Variants in TAF4B observed in about 807,000 individuals in gnomAD.
TAF4B encodes the protein transcription initiation factor TFIID subunit 4B.
A neutral mutation model predicts 86.4 loss-of-function variants in TAF4B; 38 were observed. The ratio of observed to expected loss-of-function variants is 0.44; its 90% CI spans 0.34 to 0.58. The LOEUF (loss-of-function observed/expected upper bound fraction) is 0.58, where lower values mean the gene tolerates loss of function less well. Among genes scored for constraint, TAF4B ranks in the 20% least tolerant of loss-of-function variants. The pLI, the probability that TAF4B is intolerant of heterozygous loss-of-function variation, is 0.02. For missense variants in TAF4B, 988 were observed against 1,027.6 expected, an observed-to-expected ratio of 0.96 and a Z score of 0.53; for synonymous variants, 388 against 391.2, an observed-to-expected ratio of 0.99 and a Z score of 0.10.
At chr18:26,353,464 C>T (rs1001032834) in intron 13 of TAF4B, among the ~76,000 whole-genome samples, 2 of 152,182 alleles carry the variant, frequency 1.3e-5, no homozygotes, top group Non-Finnish European at 2.9e-5. Context: ...GGCATGATGG[C>T]TCATGCCTGT....
At chr18:26,240,617 CTA>C (rs1415297200) in intron 1 of TAF4B, among the ~76,000 whole-genome samples, 1 of 152,170 alleles carries the variant, frequency 6.6e-6, no homozygotes, top group African/African-American at 2.4e-5. Context: ...ACTTCCAACA[CTA>C]TGTTGAATAG....
chr18:26,238,190 C>T (rs763672298), intron 1 of TAF4B, among the ~76,000 whole-genome samples: 1 of 152,092 alleles, frequency 6.6e-6, no homozygotes, highest in Non-Finnish European at 1.5e-5. Context: ...GACACATTTT[C>T]GAAAACCTGT....
intron 1 of TAF4B, among the ~76,000 whole-genome samples, chr18:26,228,599 T>G (rs777907198): frequency 2.6e-4 from 40 of 151,234 alleles, no homozygotes; most frequent in Non-Finnish European, 4.3e-4. Flanking sequence ...TCCTGTCTAG[T>G]CACTGAAGTT....
intron 5 of TAF4B, among the ~76,000 whole-genome samples, chr18:26,277,093 T>A (rs1342508077): frequency 2.0e-5 from 3 of 151,736 alleles, no homozygotes; most frequent in African/African-American, 7.2e-5. Flanking sequence ...TGAAAAAATT[T>A]TTTTTTGAGA....
At chr18:26,319,795 A>T (rs1308750804) in intron 10 of TAF4B, among the ~76,000 whole-genome samples, 1 of 152,038 alleles carries the variant, frequency 6.6e-6, no homozygotes, top group Non-Finnish European at 1.5e-5. Context: ...TCACCGTGTT[A>T]GTCAGGCTGG....
intron 3 of TAF4B, among the ~76,000 whole-genome samples, 162 bp downstream of exon 3, chr18:26,267,785 G>A (rs1185607884): frequency 1.3e-5 from 2 of 152,330 alleles, no homozygotes; most frequent in Non-Finnish European, 2.9e-5. Context: ...GGAGGTATGG[G>A]AAACAAGATA....
In TAF4B at chr18:26,263,171, C is replaced by G. The variant is rs185497995; in HGVS notation, c.344-1999C>G. On this transcript the variant is annotated intron_variant, in intron 1 of 14. Coordinates refer to ENST00000269142, the MANE Select transcript of TAF4B (RefSeq NM_005640.3). ...GTCTCACTTTGTTGCTGAGGGTAGT[C>G]TCAAACCCCAGGTCTCAAGAGATCC... is the stretch of plus-strand genomic sequence containing the variant. 2.4e-3 allele frequency among the ~76,000 whole-genome samples: 363 copies of G among 152,192 alleles called. 3 individuals carry two copies. Among genetic ancestry groups the G allele is most frequent in the Non-Finnish European group, 3.9e-3 (264 of 68,006 alleles).
intron 14 of TAF4B, among the ~76,000 whole-genome samples, chr18:26,371,821 GC>G (rs1381487618): frequency 6.6e-6 from 1 of 152,086 alleles, no homozygotes; most frequent in Non-Finnish European, 1.5e-5. Context: ...TGAAGGAAAA[GC>G]CAGGTCCTCT....
intron 13 of TAF4B, among the ~76,000 whole-genome samples, chr18:26,356,952 A>G (rs1407768725): frequency 1.3e-5 from 2 of 152,184 alleles, no homozygotes; most frequent in Non-Finnish European, 2.9e-5. Context: ...GGCATTCTTG[A>G]TTAAGTATGA....
chr18:26,241,297 C>T (rs2144463078), intron 1 of TAF4B, among the ~76,000 whole-genome samples: 1 of 152,258 alleles, frequency 6.6e-6, no homozygotes, highest in Non-Finnish European at 1.5e-5. Context: ...TCAACTTCTT[C>T]CTGGTTTAGT....
rs1193029161 is a variant in TAF4B at position 26,315,130 on chromosome 18, CTCTCTCTCTCTCTCTG to C, written c.1833-83_1833-68del. The C allele has an allele frequency of 8.3e-4, 272 of 327,732 alleles. 2 individuals carry two copies. Among genetic ancestry groups the C allele is most frequent in the East Asian group, 3.5e-3 (66 of 18,662 alleles). 20.3% of individuals were successfully genotyped at this position (327,732 alleles called of 1,614,324 possible). A position where few individuals can be genotyped will look rare whatever the true frequency, so the allele number is the denominator to read the frequency against. ...TCTCTCTCTCTCTCTCTCTCTCTCT[CTCTCTCTCTCTCTCTG>C]TCTCTCTCTCTCTCTCACACACACA... On this transcript the variant is annotated intron_variant, in intron 9 of 14. Transcript: ENST00000269142.
intron 1 of TAF4B, among the ~76,000 whole-genome samples, chr18:26,236,851 G>A (rs2055755569): frequency 1.3e-5 from 2 of 152,128 alleles, no homozygotes; most frequent in Admixed American, 6.6e-5. Context: ...CACTTTTAGA[G>A]CTTTCTCCTG....
intron 1 of TAF4B, among the ~76,000 whole-genome samples, chr18:26,232,113 T>G (rs1246786449): frequency 6.6e-6 from 1 of 152,176 alleles, no homozygotes; most frequent in Non-Finnish European, 1.5e-5. Flanking sequence ...ATTGGTGTGT[T>G]TTTACAGAGT....
intron 6 of TAF4B, among the ~76,000 whole-genome samples, chr18:26,282,415 A>G (rs1006640478): frequency 6.6e-6 from 1 of 152,260 alleles, no homozygotes. Context: ...TGGTTTCCAA[A>G]TGCATATAAA....
At position 26,267,617 on chromosome 18, in the gene TAF4B, A is replaced by G. The variant is rs1401309739; in HGVS notation, c.591A>G (p.Ser197=). The G allele has an allele frequency of 6.2e-6, 10 of 1,610,740 alleles. No individual in the cohort carries two copies. The highest frequency in any genetic ancestry group is 5.5e-5 in the South Asian group (5 of 90,918). Residue 197 remains serine, a synonymous_variant, in exon 3 of 15, where the codon TCA becomes TCG. Coordinates refer to ENST00000269142, the MANE Select transcript of TAF4B (RefSeq NM_005640.3). ...TAACCACTGTTCCGAAGCCTTCCTC[A>G]GTACAAGTAAGTTGTGCTGGCCATT... ...TVVTTVPKPS[S]VQSVAVPTSV...
intron 10 of TAF4B, among the ~76,000 whole-genome samples, chr18:26,315,679 T>C (rs1229072646): frequency 6.6e-6 from 1 of 152,198 alleles, no homozygotes; most frequent in Non-Finnish European, 1.5e-5. Flanking sequence ...TTTTTTTTTC[T>C]GTCCTGTTCC....
rs567973225 is a variant in TAF4B at position 26,341,626 on chromosome 18, C to T, written c.2316+6395C>T. The stretch of plus-strand genomic sequence containing the variant: ...TTGACCAGCAAGGCACCACAGTTTA[C>T]GTATCAAATTCCAGGAATCTCAGAT... On this transcript the variant is annotated intron_variant, in intron 13 of 14. Transcript: ENST00000269142. 5.3e-5 allele frequency among the ~76,000 whole-genome samples: 8 copies of T among 152,104 alleles called. No individual in the cohort carries two copies. In the East Asian group the frequency reaches 1.4e-3, roughly 26 times the overall value.
At position 26,274,757 on chromosome 18, in the gene TAF4B, C is replaced by T. The variant is rs1372123356; in HGVS notation, c.692C>T (p.Ser231Phe). ...AAGCCTTCAAGTTTGGGAGCATCAT[C>T]CACTCCTTCAAATGAGCCCAATCTT... Reference protein sequence around the residue: ...TLKPSSLGASSTPSNEPNLKA... With the variant: ...TLKPSSLGASFTPSNEPNLKA... Residue 231 changes from serine (S) to phenylalanine (F), a missense_variant, in exon 4 of 15, where the codon TCC becomes TTC. Ser to Phe is a radical substitution (Grantham distance 155). Coordinates refer to ENST00000269142, the MANE Select transcript of TAF4B (RefSeq NM_005640.3). The T allele has an allele frequency of 6.2e-7, 1 of 1,614,158 alleles. No homozygotes were observed. The highest frequency in any genetic ancestry group is 8.5e-7 in the Non-Finnish European group (1 of 1,180,016).
intron 14 of TAF4B, among the ~76,000 whole-genome samples, chr18:26,389,000 C>T (rs1978543994): frequency 1.3e-5 from 2 of 151,972 alleles, no homozygotes; most frequent in South Asian, 2.1e-4. Flanking sequence ...TTAGTAGAGA[C>T]GGGGTTTCAC....
Sources: allele counts gnomAD v4.1 joint callset (sites outside exome capture counted in the v4.1 genomes callset), GRCh38; gene constraint gnomAD v4.1.1; transcripts MANE v1.5; gene names NCBI Gene and HGNC (gene_info 2026-07-23, HGNC 2026-07-21).